IQSEC1: variants seen among roughly 807,000 people sequenced by gnomAD.
IQSEC1 encodes IQ motif and Sec7 domain ArfGEF 1.
A neutral mutation model predicts 91.0 loss-of-function variants in IQSEC1; 31 were observed. The observed-to-expected ratio is 0.34, with a 90% CI of 0.26 to 0.46. The LOEUF (loss-of-function observed/expected upper bound fraction) is 0.46. Among genes scored for constraint, IQSEC1 ranks in the 20% least tolerant of loss-of-function variants. The probability of loss-of-function intolerance (pLI) is 1.00; values close to 1 mark genes in which losing one functional copy is unlikely to be tolerated. For missense variants in IQSEC1, 1,388 were observed against 1,575.6 expected (o/e 0.88, Z 2.02); for synonymous variants, 699 against 662.6 (o/e 1.05, Z -0.84).
At chr3:13,044,890 CA>C (rs566297226) in intron 1 of IQSEC1, among the ~76,000 whole-genome samples, 92 of 152,372 alleles carry the variant, frequency 6.0e-4, no homozygotes, top group Middle Eastern at 6.8e-3. Flanking sequence ...GCCTCCACTG[CA>C]CAAAAAGGGC....
At chr3:12,997,299 A>C (rs1334064508) in intron 1 of IQSEC1, among the ~76,000 whole-genome samples, 1 of 152,252 alleles carries the variant, frequency 6.6e-6, no homozygotes, top group Non-Finnish European at 1.5e-5. Context: ...CGAAACAAAA[A>C]AACTCTTATT....
chr3:12,977,186 A>C (rs1701221887), intron 1 of IQSEC1, among the ~76,000 whole-genome samples: 1 of 152,026 alleles, frequency 6.6e-6, no homozygotes, highest in Non-Finnish European at 1.5e-5. Flanking sequence ...ATCTCTACTA[A>C]AAATATAAAA....
rs1254116751 is a variant in IQSEC1, at chr3:13,211,616, A to G, written c.273-47483T>C. 6.6e-6 allele frequency among the ~76,000 whole-genome samples: 1 copy of G among 152,118 alleles called. No homozygotes were observed. The highest frequency in any genetic ancestry group is 2.4e-5 in the African/African-American group (1 of 41,406). On this transcript the variant is annotated intron_variant, in intron 1 of 15. Coordinates refer to the IQSEC1 transcript ENST00000648114. The surrounding 1 kb of genome is among the most constrained non-coding windows in gnomAD (Gnocchi z 5.3). ...CCATCCTTGCCTCTCCATGGCCCCAAAAGAAAGTCTGATCCCCTCAGCCTA... is the reference window on the plus strand; with the variant it reads ...CCATCCTTGCCTCTCCATGGCCCCAGAAGAAAGTCTGATCCCCTCAGCCTA...
intron 1 of IQSEC1, among the ~76,000 whole-genome samples, chr3:13,188,730 AG>A (rs550740855): frequency 9.9e-5 from 15 of 152,222 alleles, no homozygotes; most frequent in Non-Finnish European, 2.1e-4. Flanking sequence ...CTTTCACCGC[AG>A]GCCTGGAGCT....
intron 1 of IQSEC1, chr3:13,053,173 G>A: frequency 2.7e-6 from 2 of 743,550 alleles, no homozygotes; most frequent in East Asian, 2.5e-5. Context: ...AAGGAAGAGA[G>A]GGGACTGGCT....
At chr3:13,222,248 T>C (rs1200276507) in intron 1 of IQSEC1, among the ~76,000 whole-genome samples, 3 of 152,032 alleles carry the variant, frequency 2.0e-5, no homozygotes, top group Admixed American at 2.0e-4. Flanking sequence ...TGTCCTTTTG[T>C]GGCCGGCTCA....
At chr3:13,019,878 C>T (rs958372956) in intron 1 of IQSEC1, among the ~76,000 whole-genome samples, 1 of 152,238 alleles carries the variant, frequency 6.6e-6, no homozygotes, top group African/African-American at 2.4e-5. Flanking sequence ...AGGCCCCGCC[C>T]CACAGCCCCG....
intron 2 of IQSEC1, among the ~76,000 whole-genome samples, chr3:13,161,184 G>A (rs942906249): frequency 6.6e-6 from 1 of 152,214 alleles, no homozygotes; most frequent in Non-Finnish European, 1.5e-5. Flanking sequence ...CATTTGGTGG[G>A]AGCTGGAGGT....
At chr3:13,180,035 C>G (rs1227124909) in intron 1 of IQSEC1, among the ~76,000 whole-genome samples, 1 of 152,178 alleles carries the variant, frequency 6.6e-6, no homozygotes, top group Non-Finnish European at 1.5e-5. Flanking sequence ...TGAGCCTCCC[C>G]GACGAGCACC....
At chr3:12,971,465 T>C (rs1318390347) in intron 1 of IQSEC1, among the ~76,000 whole-genome samples, 1 of 152,188 alleles carries the variant, frequency 6.6e-6, no homozygotes, top group African/African-American at 2.4e-5. Context: ...GCAGACTGGT[T>C]AAGTAAATTG....
Position 12,979,882 on chromosome 3 carries a change from G to A in IQSEC1, c.24-38017C>T, listed in dbSNP as rs1701370054. On this transcript the variant is annotated intron_variant, in intron 1 of 13. Transcript: ENST00000613206. The surrounding 1 kb of genome is among the most constrained non-coding windows in gnomAD (Gnocchi z 4.3). Reference sequence around the variant, plus strand: ...GAAACCCTGCTTGGTGGGTAACAAGGATCTAAGAATCCATTTTGCGCAACA... The same window carrying A: ...GAAACCCTGCTTGGTGGGTAACAAGAATCTAAGAATCCATTTTGCGCAACA... Among the ~76,000 whole-genome samples, 1 of 152,104 alleles carries A rather than the reference G, an allele frequency of 6.6e-6. No individual in the cohort carries two copies. Among genetic ancestry groups the A allele is most frequent in the South Asian group, 2.1e-4 (1 of 4,824 alleles).
chr3:13,088,521 G>C (rs544976953), intron 2 of IQSEC1, among the ~76,000 whole-genome samples: 5 of 150,838 alleles, frequency 3.3e-5, no homozygotes, highest in African/African-American at 1.2e-4. Flanking sequence ...CGCCCTCCCC[G>C]CTCCTCTGAA....
At chr3:12,964,299 TACACACAC>T (rs3072719) in intron 1 of IQSEC1, among the ~76,000 whole-genome samples, 13 of 149,908 alleles carry the variant, frequency 8.7e-5, no homozygotes, top group African/African-American at 2.7e-4. Context: ...ATACTCCCCC[TACACACAC>T]ACACACACAC....
At chr3:13,157,627 C>A (rs1209133935) in intron 2 of IQSEC1, among the ~76,000 whole-genome samples, 1 of 152,166 alleles carries the variant, frequency 6.6e-6, no homozygotes, top group Non-Finnish European at 1.5e-5. Flanking sequence ...CCCAAGAAAT[C>A]TCAATCATAA....
chr3:13,129,800 G>A lies in IQSEC1; in HGVS notation c.302+34304C>T, dbSNP rs536044425. Among the ~76,000 whole-genome samples the A allele has an allele frequency of 6.6e-5, 10 of 151,556 alleles. No homozygotes were observed. In the East Asian group the frequency reaches 2.0e-3, roughly 30 times the overall value. ...AGCCTCCCGAGTAGCTGGGACTACA[G>A]GTGCCCAACACCACGCCCGGCTAGT... On this transcript the variant is annotated intron_variant, in intron 2 of 15. Coordinates refer to the IQSEC1 transcript ENST00000648114.
intron 1 of IQSEC1, among the ~76,000 whole-genome samples, chr3:12,953,012 C>T (rs776949154): frequency 6.6e-6 from 1 of 152,202 alleles, no homozygotes; most frequent in Non-Finnish European, 1.5e-5. Flanking sequence ...TCCTCTGGGG[C>T]CTCACTGTTC....
intron 2 of IQSEC1, among the ~76,000 whole-genome samples, chr3:13,101,206 G>A (rs1411468825): frequency 6.6e-6 from 1 of 152,180 alleles, no homozygotes; most frequent in African/African-American, 2.4e-5. Flanking sequence ...TCTAGGCTGG[G>A]CGCGGTGGCT....
At chr3:13,221,490 C>T (rs1314446725) in intron 1 of IQSEC1, among the ~76,000 whole-genome samples, 1 of 152,220 alleles carries the variant, frequency 6.6e-6, no homozygotes, top group Non-Finnish European at 1.5e-5. Flanking sequence ...AGTAGAGGGC[C>T]CCCACCTGTG....
intron 1 of IQSEC1, among the ~76,000 whole-genome samples, chr3:13,261,863 T>C (rs1244430614): frequency 6.6e-6 from 1 of 152,204 alleles, no homozygotes; most frequent in Non-Finnish European, 1.5e-5. Context: ...CCCTAGCAGG[T>C]GAGCCAGAAG....
Sources: allele counts gnomAD v4.1 joint callset (sites outside exome capture counted in the v4.1 genomes callset), GRCh38; gene constraint gnomAD v4.1.1; non-coding constraint Gnocchi (gnomAD v3.1); transcripts MANE v1.5; gene names NCBI Gene and HGNC (gene_info 2026-07-23, HGNC 2026-07-21).